DLGAP2: variants seen among roughly 807,000 people sequenced by gnomAD.
The protein encoded by DLGAP2 is disks large-associated protein 2.
DLGAP2 carries 26 observed loss-of-function variants against 100.3 expected under a neutral mutation model. The ratio of observed to expected loss-of-function variants is 0.26; its 90% CI spans 0.19 to 0.36. The LOEUF (loss-of-function observed/expected upper bound fraction) is 0.36. Ranked by LOEUF, DLGAP2 falls within the 10% of genes least tolerant of loss-of-function variation. DLGAP2 has a pLI of 1.00. For synonymous variants in DLGAP2, 886 were observed against 630.1 expected (o/e 1.41, Z -6.08); for missense variants, 1,858 against 1,453.2 (o/e 1.28, Z -4.53).
intron 2 of DLGAP2, among the ~76,000 whole-genome samples, chr8:1,239,989 C>G (rs1563273446): frequency 1.4e-5 from 2 of 137,998 alleles, no homozygotes; most frequent in African/African-American, 2.6e-5. Context: ...TTGTCTAGTT[C>G]TCTCTCACAC....
intron 3 of DLGAP2, among the ~76,000 whole-genome samples, chr8:1,303,887 G>T (rs1280298057): frequency 1.3e-5 from 2 of 152,184 alleles, no homozygotes; most frequent in Admixed American, 6.5e-5. Flanking sequence ...AGCCTGGGAG[G>T]TGGAGGGAGA....
At chr8:1,053,647 G>A (rs531307438) in intron 2 of DLGAP2, among the ~76,000 whole-genome samples, 1 of 152,200 alleles carries the variant, frequency 6.6e-6, no homozygotes, top group African/African-American at 2.4e-5. Context: ...GTTTGGAGAC[G>A]GGATAATTCC....
At chr8:826,066 A>T (rs912708756) in intron 1 of DLGAP2, among the ~76,000 whole-genome samples, 2 of 152,244 alleles carry the variant, frequency 1.3e-5, no homozygotes, top group African/African-American at 4.8e-5. Context: ...AATAATTGAG[A>T]ACATGCTGTG....
At chr8:1,074,393 T>C (rs1232359197) in intron 2 of DLGAP2, among the ~76,000 whole-genome samples, 3 of 152,242 alleles carry the variant, frequency 2.0e-5, no homozygotes, top group African/African-American at 7.2e-5. Flanking sequence ...CAGCACAGAA[T>C]TTCTCTTCAG....
chr8:1,201,487 C>T (rs563822346), intron 2 of DLGAP2, among the ~76,000 whole-genome samples: 46 of 152,308 alleles, frequency 3.0e-4, no homozygotes, highest in African/African-American at 1.1e-3. Flanking sequence ...CAGAAGGAAG[C>T]CAGGTCCTGG....
chr8:1,496,031 C>T (rs1799536336), intron 3 of DLGAP2, among the ~76,000 whole-genome samples: 1 of 152,134 alleles, frequency 6.6e-6, no homozygotes, highest in Non-Finnish European at 1.5e-5. Flanking sequence ...CCTTCGAGTG[C>T]CCAGAAACAC....
At chr8:1,199,533 C>T (rs1006187024) in intron 2 of DLGAP2, among the ~76,000 whole-genome samples, 1 of 152,178 alleles carries the variant, frequency 6.6e-6, no homozygotes, top group African/African-American at 2.4e-5. Context: ...AGCACAGCTA[C>T]CTCTTCTAGG....
chr8:1,598,219 T>C (rs1308521700), intron 6 of DLGAP2, among the ~76,000 whole-genome samples: 1 of 152,232 alleles, frequency 6.6e-6, no homozygotes, highest in African/African-American at 2.4e-5. Context: ...GAAGCCGACT[T>C]GATCGTGGTG....
chr8:980,873 C>G (rs184291363), intron 2 of DLGAP2, among the ~76,000 whole-genome samples: 3 of 152,212 alleles, frequency 2.0e-5, no homozygotes, highest in African/African-American at 7.2e-5. Flanking sequence ...ACAGGAACGC[C>G]TGGAATTCTA....
chr8:912,019 C>T lies in DLGAP2; in HGVS notation c.73+4053C>T, dbSNP rs148493475. ...AGCATAATACATTCTTTTCTTTAGGCTGCACAATTGGCGGGGTTCTGACTT... is the reference window on the plus strand; with the variant it reads ...AGCATAATACATTCTTTTCTTTAGGTTGCACAATTGGCGGGGTTCTGACTT... On this transcript the variant is annotated intron_variant, in intron 2 of 14. Transcript: ENST00000637795. Among the ~76,000 whole-genome samples, 6 of 152,316 alleles carry T rather than the reference C, an allele frequency of 3.9e-5. No individual in the cohort carries two copies. In the East Asian group the frequency reaches 9.6e-4, roughly 24 times the overall value.
At position 869,315 on chromosome 8, in the gene DLGAP2, G is replaced by C. The variant is rs560611183; in HGVS notation, c.19-38597G>C. Reference sequence around the variant, plus strand: ...TGCACCACATTTGATGAAGTGAGTTGAAGGTACTTGTTTCCGTTACAAGAG... The same window carrying C: ...TGCACCACATTTGATGAAGTGAGTTCAAGGTACTTGTTTCCGTTACAAGAG... On this transcript the variant is annotated intron_variant, in intron 1 of 14. Coordinates refer to ENST00000637795, the MANE Select transcript of DLGAP2 (RefSeq NM_001346810.2). Among the ~76,000 whole-genome samples the C allele has an allele frequency of 2.4e-3, 373 of 152,338 alleles. 1 individual carries two copies. The highest frequency in any genetic ancestry group is 8.6e-3 in the African/African-American group (358 of 41,584).
chr8:822,997 A>ATTATTTC (rs1306438275), intron 1 of DLGAP2, among the ~76,000 whole-genome samples: 2 of 151,628 alleles, frequency 1.3e-5, no homozygotes, highest in African/African-American at 4.8e-5. Flanking sequence ...GGAAGAGAGG[A>ATTATTTC]TTATTTCTTA....
chr8:1,000,950 C>T (rs981886547), intron 2 of DLGAP2, among the ~76,000 whole-genome samples: 1 of 152,094 alleles, frequency 6.6e-6, no homozygotes, highest in African/African-American at 2.4e-5. Flanking sequence ...AAACTCCCCT[C>T]CAGGGATTTC....
chr8:1,441,850 G>C (rs1405113538), intron 3 of DLGAP2, among the ~76,000 whole-genome samples: 1 of 150,902 alleles, frequency 6.6e-6, no homozygotes, highest in Admixed American at 6.6e-5. Context: ...ATGCAGGTTT[G>C]TTACGTAGGT....
chr8:1,310,102 G>A (rs1800580829), intron 3 of DLGAP2, among the ~76,000 whole-genome samples: 1 of 150,860 alleles, frequency 6.6e-6, no homozygotes, highest in Non-Finnish European at 1.5e-5. Flanking sequence ...CAGCAAGGGA[G>A]GAAGGGAGCT....
intron 4 of DLGAP2, among the ~76,000 whole-genome samples, chr8:1,515,687 C>T (rs1373545679): frequency 6.6e-6 from 1 of 151,730 alleles, no homozygotes; most frequent in Non-Finnish European, 1.5e-5. Context: ...ACACACACAA[C>T]ATGCACAAAT....
intron 3 of DLGAP2, among the ~76,000 whole-genome samples, chr8:1,265,512 G>A (rs1383582760): frequency 3.3e-5 from 5 of 152,168 alleles, no homozygotes; most frequent in African/African-American, 1.2e-4. Flanking sequence ...AATTAAAAAA[G>A]AATGGGGAGA....
intron 8 of DLGAP2, 99 bp downstream of exon 8, chr8:1,633,145 G>A: frequency 8.8e-7 from 1 of 1,137,226 alleles, no homozygotes; most frequent in East Asian, 2.4e-5. Flanking sequence ...ACAGTACAAT[G>A]TACTCTCCTG....
intron 3 of DLGAP2, among the ~76,000 whole-genome samples, chr8:1,424,944 A>G (rs1797198725): frequency 1.3e-5 from 2 of 152,166 alleles, no homozygotes; most frequent in South Asian, 4.1e-4. Context: ...TTCTGGAGAT[A>G]TTGGCAGTGA....
Sources: gnomAD v4.1 joint callset for allele counts (sites outside exome capture counted in the v4.1 genomes callset) on GRCh38, gnomAD v4.1.1 for gene constraint, MANE v1.5 for transcripts, NCBI Gene and HGNC (gene_info 2026-07-23, HGNC 2026-07-21) for gene names.